EPN2: variants seen among roughly 807,000 people sequenced by gnomAD.
EPN2 encodes epsin-2.
In EPN2, 34 loss-of-function variants were observed where a neutral mutation model predicts 61.7. That is an observed-to-expected ratio of 0.55 (90% CI 0.42 to 0.73). The LOEUF (loss-of-function observed/expected upper bound fraction) is 0.73. Ranked by LOEUF, EPN2 falls within the 30% of genes least tolerant of loss-of-function variation. The pLI is 0.00. For synonymous variants in EPN2, 349 were observed against 353.6 expected (o/e 0.99, Z 0.15); for missense variants, 714 against 839.2 (o/e 0.85, Z 1.84).
chr17:19,285,839 G>T lies in EPN2; in HGVS notation c.766+49G>T, dbSNP rs2045399324. ...CCTTACTAGAAATGCTGGGCAGCTT[G>T]CTGGGGGTGTGCTTGCCATGCCAGT... On this transcript the variant is annotated intron_variant, in intron 4 of 10. Coordinates refer to ENST00000314728, the MANE Select transcript of EPN2 (RefSeq NM_014964.5). This position sits in a 1 kb window ranked among gnomAD's most constrained non-coding sequence, Gnocchi z 4.5. 6.7e-7 allele frequency: 1 copy of T among 1,489,636 alleles called. No homozygotes were observed. The highest frequency in any genetic ancestry group is 2.1e-5 in the Admixed American group (1 of 47,440). The allele number at this position is 1,489,636 out of a possible 1,614,324, so 92.3% of individuals were successfully genotyped here. A position where few individuals can be genotyped will look rare whatever the true frequency, so the allele number is the denominator to read the frequency against.
chr17:19,317,813 G>A (rs951633251), intron 7 of EPN2, among the ~76,000 whole-genome samples: 3 of 152,198 alleles, frequency 2.0e-5, no homozygotes, highest in Non-Finnish European at 4.4e-5. Flanking sequence ...ATTCATAGAG[G>A]AGGAGCATGC....
At chr17:19,255,037 C>T (rs1380583929) in intron 1 of EPN2, among the ~76,000 whole-genome samples, 1 of 152,152 alleles carries the variant, frequency 6.6e-6, no homozygotes, top group Non-Finnish European at 1.5e-5. Flanking sequence ...AGGGCAGCCT[C>T]TAATGAGTGG....
intron 4 of EPN2, among the ~76,000 whole-genome samples, chr17:19,286,124 C>T (rs1263025014): frequency 6.6e-6 from 1 of 152,208 alleles, no homozygotes; most frequent in Non-Finnish European, 1.5e-5. Flanking sequence ...ATCAGGCCCA[C>T]CCATGGTGGT....
At chr17:19,291,789 G>A (rs1016064754) in intron 4 of EPN2, among the ~76,000 whole-genome samples, 3 of 152,142 alleles carry the variant, frequency 2.0e-5, no homozygotes, top group Non-Finnish European at 4.4e-5. Context: ...GCTTTCTTGT[G>A]CGCTGTTTCA....
chr17:19,303,240 A>G (rs1399072671), intron 4 of EPN2, among the ~76,000 whole-genome samples: 1 of 152,232 alleles, frequency 6.6e-6, no homozygotes, highest in East Asian at 1.9e-4. Flanking sequence ...CCACTGTCAC[A>G]CACACAGTCA....
chr17:19,249,892 A>C (rs1489423418), intron 1 of EPN2, among the ~76,000 whole-genome samples: 1 of 151,220 alleles, frequency 6.6e-6, no homozygotes, highest in African/African-American at 2.4e-5. Flanking sequence ...TGCCTTTCCA[A>C]CTTCTTGAGG....
chr17:19,251,575 A>G (rs2045015633), intron 1 of EPN2, among the ~76,000 whole-genome samples: 1 of 152,082 alleles, frequency 6.6e-6, no homozygotes, highest in Non-Finnish European at 1.5e-5. Flanking sequence ...CTGGGATTAG[A>G]GGTGCACGCC....
At chr17:19,327,682 GAATA>G (rs1906946522) in intron 7 of EPN2, among the ~76,000 whole-genome samples, 1 of 151,990 alleles carries the variant, frequency 6.6e-6, no homozygotes, top group Non-Finnish European at 1.5e-5. Flanking sequence ...ATAAATAAAT[GAATA>G]CACACACATA....
rs769984695 is a variant in EPN2, at chr17:19,283,074, G to A, written c.-46G>A. On this transcript the variant is annotated 5_prime_UTR_variant, in exon 3 of 11. Coordinates refer to ENST00000314728, the MANE Select transcript of EPN2 (RefSeq NM_014964.5). The surrounding 1 kb of genome is among the most constrained non-coding windows in gnomAD (Gnocchi z 7.0). ...GTGCGCACTTACCAAGGACAGGAAG[G>A]TTTCTCTGTTTGAAGGGCTTTAAAC... 7.0e-7 allele frequency: 1 copy of A among 1,437,580 alleles called. No individual in the cohort carries two copies. Among genetic ancestry groups the A allele is most frequent in the Admixed American group, 1.9e-5 (1 of 51,744 alleles). 89.1% of individuals were successfully genotyped at this position (1,437,580 alleles called of 1,614,324 possible). A position where few individuals can be genotyped will look rare whatever the true frequency, so the allele number is the denominator to read the frequency against.
intron 1 of EPN2, among the ~76,000 whole-genome samples, chr17:19,274,579 C>T (rs146475600): frequency 6.6e-6 from 1 of 152,282 alleles, no homozygotes; most frequent in Non-Finnish European, 1.5e-5. Context: ...ATGATGGCTG[C>T]TCCCCATAGT....
intron 1 of EPN2, among the ~76,000 whole-genome samples, chr17:19,280,939 G>A (rs932567933): frequency 1.3e-5 from 2 of 152,062 alleles, no homozygotes; most frequent in Admixed American, 6.5e-5. Context: ...CAATTAATTC[G>A]GTAGAGTGGC....
intron 1 of EPN2, among the ~76,000 whole-genome samples, chr17:19,277,421 AG>A (rs1317551042): frequency 6.9e-6 from 1 of 143,944 alleles, no homozygotes; most frequent in Non-Finnish European, 1.5e-5. Flanking sequence ...AAAAAAAAAA[AG>A]AGAGAAATAA....
At chr17:19,278,451 G>A (rs1437569945) in intron 1 of EPN2, among the ~76,000 whole-genome samples, 1 of 152,146 alleles carries the variant, frequency 6.6e-6, no homozygotes, top group East Asian at 1.9e-4. Flanking sequence ...TGAGGAAGAA[G>A]CAAAAATGCA....
chr17:19,265,851 A>C (rs773806243), intron 1 of EPN2, among the ~76,000 whole-genome samples: 11 of 152,014 alleles, frequency 7.2e-5, no homozygotes, highest in Non-Finnish European at 1.0e-4. Flanking sequence ...GAACCTCTCC[A>C]CCTTCCCTTT....
intron 7 of EPN2, among the ~76,000 whole-genome samples, chr17:19,314,146 C>T (rs1179389899): frequency 6.6e-6 from 1 of 152,226 alleles, no homozygotes; most frequent in African/African-American, 2.4e-5. Flanking sequence ...TTCTGCTGTG[C>T]ATGACCCCTG....
At chr17:19,288,224 C>T (rs2045424552) in intron 4 of EPN2, among the ~76,000 whole-genome samples, 2 of 152,316 alleles carry the variant, frequency 1.3e-5, no homozygotes, top group South Asian at 4.1e-4. Flanking sequence ...TGCCTGCAGG[C>T]ACAGCTCTGG....
chr17:19,331,162 A>G (rs7208857), intron 9 of EPN2, among the ~76,000 whole-genome samples: 146,256 of 152,334 alleles, frequency 0.96, 70,611 homozygotes, highest in African/African-American at 0.99. Flanking sequence ...ATCTCTCTTT[A>G]TATGGCTCAG....
intron 4 of EPN2, among the ~76,000 whole-genome samples, chr17:19,295,341 T>TACACACACAC (rs761662309): frequency 5.5e-5 from 8 of 145,058 alleles, no homozygotes; most frequent in Admixed American, 2.0e-4. Context: ...CTATTAAAAA[T>TACACACACAC]ACACACACAC....
intron 1 of EPN2, among the ~76,000 whole-genome samples, chr17:19,237,810 C>A (rs2044832799): frequency 6.6e-6 from 1 of 152,082 alleles, no homozygotes. Context: ...TCCCTATCAC[C>A]GAGCATCTCC....
Sources: gnomAD v4.1 joint callset for allele counts (sites outside exome capture counted in the v4.1 genomes callset) on GRCh38, gnomAD v4.1.1 for gene constraint, Gnocchi (gnomAD v3.1) non-coding constraint, MANE v1.5 for transcripts, NCBI Gene and HGNC (gene_info 2026-07-23, HGNC 2026-07-21) for gene names.